ROBO2: variants seen among roughly 807,000 people sequenced by gnomAD.
The protein encoded by ROBO2 is roundabout guidance receptor 2.
A neutral mutation model predicts 160.8 loss-of-function variants in ROBO2; 53 were observed. That is an observed-to-expected ratio of 0.33 (90% CI 0.26 to 0.41). ROBO2 has a LOEUF of 0.41. Ranked by LOEUF, ROBO2 falls within the 10% of genes least tolerant of loss-of-function variation. The pLI, the probability that ROBO2 is intolerant of heterozygous loss-of-function variation, is 1.00. For synonymous variants in ROBO2, 664 were observed against 611.7 expected (o/e 1.09, Z -1.26); for missense variants, 1,577 against 1,722.4 (o/e 0.92, Z 1.49).
At chr3:76,113,115 A>G (rs1559561376) in intron 2 of ROBO2, among the ~76,000 whole-genome samples, 1 of 152,070 alleles carries the variant, frequency 6.6e-6, no homozygotes, top group Admixed American at 6.6e-5. Flanking sequence ...AGAATGAGAG[A>G]TAAGAAGATG....
chr3:76,038,698 T>C (rs1419835027), intron 2 of ROBO2, among the ~76,000 whole-genome samples: 7 of 151,872 alleles, frequency 4.6e-5, no homozygotes, highest in Non-Finnish European at 7.4e-5. Context: ...ATAAAAGACA[T>C]CCTTCTTGTT....
chr3:76,002,281 A>G (rs528537070), intron 2 of ROBO2, among the ~76,000 whole-genome samples: 1 of 152,272 alleles, frequency 6.6e-6, no homozygotes, highest in African/African-American at 2.4e-5. Flanking sequence ...TGATGTGAAG[A>G]TACAGGAAGA....
rs78327616 is a variant in ROBO2 at position 76,038,796 on chromosome 3, A to G, written c.109+101194A>G. On this transcript the variant is annotated intron_variant, in intron 2 of 26. Transcript: ENST00000487694. Reference sequence around the variant, plus strand: ...TGTGTGTGTGTGTGTGTGTGTATGTATGTGTGTGTGTGTGTGTGTTTAAAG... The same window carrying G: ...TGTGTGTGTGTGTGTGTGTGTATGTGTGTGTGTGTGTGTGTGTGTTTAAAG... Among the ~76,000 whole-genome samples, 9 of 149,682 alleles carry G rather than the reference A, an allele frequency of 6.0e-5. No homozygotes were observed. The East Asian group carries it at 1.8e-3, about 29-fold the overall frequency.
intron 2 of ROBO2, among the ~76,000 whole-genome samples, chr3:76,742,792 A>C (rs2093823554): frequency 1.3e-5 from 2 of 151,460 alleles, no homozygotes; most frequent in South Asian, 4.2e-4. Flanking sequence ...ACCCACACAC[A>C]CACCCACCCA....
intron 2 of ROBO2, among the ~76,000 whole-genome samples, chr3:76,599,306 A>G (rs911079259): frequency 2.0e-5 from 3 of 152,068 alleles, no homozygotes; most frequent in Non-Finnish European, 4.4e-5. Flanking sequence ...CTCCCACTTA[A>G]AAGTGAAAAC....
intron 14 of ROBO2, among the ~76,000 whole-genome samples, chr3:77,576,364 T>G (rs2093762816): frequency 6.6e-6 from 1 of 152,100 alleles, no homozygotes; most frequent in South Asian, 2.1e-4. Context: ...TTTAGGATAT[T>G]TAGGATAGTT....
chr3:77,068,234 G>A (rs973451730), intron 1 of ROBO2, among the ~76,000 whole-genome samples: 2 of 151,970 alleles, frequency 1.3e-5, no homozygotes, highest in Non-Finnish European at 2.9e-5. Flanking sequence ...TTACATCAAG[G>A]GGGTAAGCCT....
intron 2 of ROBO2, among the ~76,000 whole-genome samples, chr3:76,585,595 T>A (rs2085983206): frequency 6.6e-6 from 1 of 152,168 alleles, no homozygotes; most frequent in South Asian, 2.1e-4. Flanking sequence ...TGAGAACAAC[T>A]GATATAATCC....
chr3:77,641,618 T>C (rs969143393), intron 24 of ROBO2, among the ~76,000 whole-genome samples: 5 of 152,108 alleles, frequency 3.3e-5, no homozygotes, highest in Non-Finnish European at 1.5e-5. Context: ...TTGGTCTTTA[T>C]GAAAAAATAA....
intron 2 of ROBO2, among the ~76,000 whole-genome samples, chr3:76,882,795 GAAACTA>G (rs1010527732): frequency 3.9e-5 from 6 of 152,058 alleles, no homozygotes; most frequent in African/African-American, 1.4e-4. Context: ...TTTGTACTAG[GAAACTA>G]AAATTTTATT....
At chr3:76,075,918 T>C (rs72892696) in intron 2 of ROBO2, among the ~76,000 whole-genome samples, 4,211 of 152,298 alleles carry the variant, frequency 0.028, 218 homozygotes, top group African/African-American at 0.095. Context: ...AACTAATTGA[T>C]GAAAAAGTTT....
intron 2 of ROBO2, among the ~76,000 whole-genome samples, chr3:76,945,002 C>T (rs1204458743): frequency 1.3e-5 from 2 of 152,026 alleles, no homozygotes; most frequent in Non-Finnish European, 2.9e-5. Flanking sequence ...CATTCTCCTG[C>T]CTCAGCCTCC....
chr3:76,232,273 C>T (rs974282825), intron 2 of ROBO2, among the ~76,000 whole-genome samples: 1 of 152,058 alleles, frequency 6.6e-6, no homozygotes, highest in Non-Finnish European at 1.5e-5. Context: ...GTATAGTAGA[C>T]TTGAGAAGAG....
chr3:77,426,098 C>A (rs1235042755), intron 2 of ROBO2, among the ~76,000 whole-genome samples: 1 of 152,070 alleles, frequency 6.6e-6, no homozygotes, highest in Admixed American at 6.6e-5. Context: ...AAGAACGAAG[C>A]AGGAATGTCA....
At chr3:76,207,725 C>T (rs563639448) in intron 2 of ROBO2, among the ~76,000 whole-genome samples, 14 of 152,006 alleles carry the variant, frequency 9.2e-5, no homozygotes, top group Non-Finnish European at 1.8e-4. Context: ...CAGAAGTGTC[C>T]GTAGGGATAA....
chr3:76,151,300 C>G (rs186646030), intron 2 of ROBO2, among the ~76,000 whole-genome samples: 8 of 152,220 alleles, frequency 5.3e-5, no homozygotes, highest in Non-Finnish European at 7.4e-5. Context: ...CCACCTCTCT[C>G]TTCCTGTCCC....
intron 2 of ROBO2, among the ~76,000 whole-genome samples, chr3:76,327,994 G>A (rs1323863257): frequency 6.6e-6 from 1 of 151,992 alleles, no homozygotes; most frequent in African/African-American, 2.4e-5. Flanking sequence ...GCCCTAGATG[G>A]GTTAAATGTG....
intron 2 of ROBO2, among the ~76,000 whole-genome samples, chr3:77,259,136 T>C (rs1198273757): frequency 6.6e-6 from 1 of 152,248 alleles, no homozygotes; most frequent in Non-Finnish European, 1.5e-5. Context: ...CTCTGCGCTC[T>C]GTTCTCAGAA....
intron 2 of ROBO2, among the ~76,000 whole-genome samples, chr3:77,109,494 G>A (rs1579054348): frequency 6.6e-6 from 1 of 152,216 alleles, no homozygotes; most frequent in East Asian, 1.9e-4. Flanking sequence ...CTAGAATGTG[G>A]TATATGTGAG....
Sources: gnomAD v4.1 joint callset for allele counts (sites outside exome capture counted in the v4.1 genomes callset) on GRCh38, gnomAD v4.1.1 for gene constraint, MANE v1.5 for transcripts, NCBI Gene and HGNC (gene_info 2026-07-23, HGNC 2026-07-21) for gene names.